LRCH3: variants seen among roughly 807,000 people sequenced by gnomAD.
LRCH3 encodes leucine rich repeats and calponin homology domain containing 3.
Under a neutral mutation model 104.5 loss-of-function variants are expected in LRCH3, and 68 were observed. That is an observed-to-expected ratio of 0.65 (90% confidence interval 0.54 to 0.80). The LOEUF (loss-of-function observed/expected upper bound fraction) is 0.80, where lower values mean the gene tolerates loss of function less well. Ranked by LOEUF, LRCH3 falls within the 30% of genes least tolerant of loss-of-function variation. LRCH3 has a pLI of 0.00. For synonymous variants in LRCH3, 344 were observed against 361.3 expected, an observed-to-expected ratio of 0.95 and a Z score of 0.54; for missense variants, 951 against 953.9, an observed-to-expected ratio of 1.00 and a Z score of 0.04.
chr3:197,818,844 A>G (rs1054593978), intron 3 of LRCH3, among the ~76,000 whole-genome samples: 12 of 152,226 alleles, frequency 7.9e-5, no homozygotes, highest in Middle Eastern at 6.8e-3. Context: ...TTAGTGTCCC[A>G]GCCAGGCGCA....
intron 20 of LRCH3, chr3:197,881,289 A>C: frequency 1.0e-6 from 1 of 990,616 alleles, no homozygotes; most frequent in Non-Finnish European, 1.2e-6. Flanking sequence ...TGCGGTCTGG[A>C]CGTTTCAAAG....
At chr3:197,873,066 C>T (rs1712420648) in intron 19 of LRCH3, among the ~76,000 whole-genome samples, 1 of 152,150 alleles carries the variant, frequency 6.6e-6, no homozygotes, top group Non-Finnish European at 1.5e-5. Flanking sequence ...GGCAGGTTCT[C>T]TTTGCACTGC....
chr3:197,792,493 G>A (rs992267598), intron 1 of LRCH3, among the ~76,000 whole-genome samples: 7 of 141,772 alleles, frequency 4.9e-5, no homozygotes, highest in African/African-American at 1.5e-4. Context: ...CTGCAGCCTC[G>A]ACCTCCCGGG....
At chr3:197,865,773 T>G (rs1741409804) in intron 16 of LRCH3, among the ~76,000 whole-genome samples, 1 of 151,968 alleles carries the variant, frequency 6.6e-6, no homozygotes, top group Admixed American at 6.6e-5. Flanking sequence ...CTGGGTTTTT[T>G]TTTTTTTTTC....
chr3:197,877,727 GATC>G (rs1713066896), intron 20 of LRCH3, among the ~76,000 whole-genome samples: 1 of 152,128 alleles, frequency 6.6e-6, no homozygotes, highest in Non-Finnish European at 1.5e-5. Context: ...TATGAAAGTA[GATC>G]ATCATTCTAT....
Position 197,807,587 on chromosome 3 carries a change from A to G in LRCH3, c.263-7321A>G, listed in dbSNP as rs373742491. On this transcript the variant is annotated intron_variant, in intron 1 of 20. Coordinates refer to ENST00000425562, the MANE Select transcript of LRCH3 (RefSeq NM_001365715.1). ...GGTCATTTGATCTGTCTTTTAGATA[A>G]TTTGTATTTCATATCATTGTTGATG... Among the ~76,000 whole-genome samples, 54 of 152,232 alleles carry G rather than the reference A, an allele frequency of 3.5e-4. 1 individual carries two copies. In the East Asian group the frequency reaches 5.0e-3, roughly 14 times the overall value.
intron 17 of LRCH3, among the ~76,000 whole-genome samples, chr3:197,867,062 T>A (rs1012621485): frequency 1.4e-4 from 21 of 151,510 alleles, no homozygotes; most frequent in African/African-American, 4.8e-4. Flanking sequence ...ATCACGTCAT[T>A]TGAGGAGTTC....
At chr3:197,833,815 G>C (rs1266714902) in intron 8 of LRCH3, among the ~76,000 whole-genome samples, 3 of 152,082 alleles carry the variant, frequency 2.0e-5, no homozygotes, top group Non-Finnish European at 2.9e-5. Flanking sequence ...GGCCACACTG[G>C]TCTAGATTGG....
intron 19 of LRCH3, among the ~76,000 whole-genome samples, chr3:197,872,467 G>C (rs930084968): frequency 6.6e-6 from 1 of 151,796 alleles, no homozygotes; most frequent in Non-Finnish European, 1.5e-5. Context: ...TCAGTGGCTT[G>C]TGCCTGTAGT....
intron 4 of LRCH3, among the ~76,000 whole-genome samples, chr3:197,824,163 C>T (rs925383840): frequency 1.3e-5 from 2 of 151,804 alleles, no homozygotes; most frequent in Admixed American, 6.6e-5. Context: ...CTCTCGGGTT[C>T]AAGCAATTCT....
intron 1 of LRCH3, among the ~76,000 whole-genome samples, chr3:197,808,361 A>T (rs914374863): frequency 2.0e-5 from 3 of 152,140 alleles, no homozygotes; most frequent in Non-Finnish European, 4.4e-5. Flanking sequence ...TCAGCTGCCC[A>T]CTGTGTGGTA....
At chr3:197,880,903 A>G in intron 20 of LRCH3, 1 of 1,427,324 alleles carries the variant, frequency 7.0e-7, no homozygotes, top group Non-Finnish European at 9.1e-7. Flanking sequence ...AACATTTACG[A>G]TTGCTAACAA....
chr3:197,853,357 T>G (rs746216481), intron 13 of LRCH3, among the ~76,000 whole-genome samples: 1 of 151,932 alleles, frequency 6.6e-6, no homozygotes, highest in Non-Finnish European at 1.5e-5. Context: ...GCCTGGCTAA[T>G]TTTTGTATTT....
intron 1 of LRCH3, among the ~76,000 whole-genome samples, chr3:197,794,410 C>T (rs1391585388): frequency 1.3e-5 from 2 of 152,252 alleles, no homozygotes; most frequent in African/African-American, 4.8e-5. Context: ...GAGGTGACTC[C>T]AAAAGCCATA....
intron 4 of LRCH3, among the ~76,000 whole-genome samples, chr3:197,825,790 T>C (rs898325262): frequency 6.6e-6 from 1 of 152,154 alleles, no homozygotes; most frequent in Admixed American, 6.5e-5. Flanking sequence ...ATTTTTCTTA[T>C]ATTTTTTATT....
At chr3:197,865,019 G>A (rs927458329) in intron 15 of LRCH3, among the ~76,000 whole-genome samples, 1 of 151,922 alleles carries the variant, frequency 6.6e-6, no homozygotes, top group African/African-American at 2.4e-5. Flanking sequence ...GAGAGAGAGG[G>A]AGAGAGAGAG....
At chr3:197,871,628 A>G (rs1712205575) in intron 19 of LRCH3, 166 bp downstream of exon 19, 1 of 778,044 alleles carries the variant, frequency 1.3e-6, no homozygotes, top group Non-Finnish European at 2.0e-6. Flanking sequence ...AGACATGTAT[A>G]CAGCTACTTA....
intron 10 of LRCH3, among the ~76,000 whole-genome samples, chr3:197,843,457 T>G (rs943647433): frequency 7.2e-5 from 11 of 151,942 alleles, no homozygotes. Flanking sequence ...CCAAGGCAGG[T>G]GGATCCCCTA....
At chr3:197,827,463 T>C in intron 5 of LRCH3, among the ~76,000 whole-genome samples, 1 of 152,238 alleles carries the variant, frequency 6.6e-6, no homozygotes, top group East Asian at 1.9e-4. Context: ...TAAACCATAG[T>C]GGAAGCATCG....
Sources: allele counts gnomAD v4.1 joint callset (sites outside exome capture counted in the v4.1 genomes callset), GRCh38; gene constraint gnomAD v4.1.1; transcripts MANE v1.5; gene names NCBI Gene and HGNC (gene_info 2026-07-23, HGNC 2026-07-21).